The following RPTOR variants were observed in gnomAD, a reference collection of about 807,000 sequenced individuals.
RPTOR encodes regulatory-associated protein of mTOR.
In RPTOR, 21 loss-of-function variants were observed where a neutral mutation model predicts 169.9. That is an observed-to-expected ratio of 0.12 (90% CI 0.09 to 0.18). The LOEUF is 0.18. Ranked by LOEUF, RPTOR falls within the 10% of genes least tolerant of loss-of-function variation. The pLI is 1.00. For synonymous variants in RPTOR, 732 were observed against 753.2 expected (o/e 0.97, Z 0.46); for missense variants, 1,133 against 1,855.9 (o/e 0.61, Z 7.16).
chr17:80,751,725 C>T (rs1367112091), intron 5 of RPTOR, among the ~76,000 whole-genome samples: 2 of 152,178 alleles, frequency 1.3e-5, no homozygotes, highest in Admixed American at 1.3e-4. Context: ...TGATCTTGTC[C>T]CTGTGGTATT....
intron 9 of RPTOR, among the ~76,000 whole-genome samples, chr17:80,824,190 C>A (rs1165111846): frequency 2.0e-5 from 3 of 152,124 alleles, no homozygotes; most frequent in African/African-American, 4.8e-5. Flanking sequence ...TGCGATAGAT[C>A]AAAATACATT....
rs2065257202 is a variant in RPTOR, at chr17:80,609,776, TGTG to T, written c.163-15914_163-15912del. ...AAAAAAAAGTTTAAGGTGTTGGTTG[TGTG>T]TGTGTGTGTGTGTGTGTGTGTGTGT... is the stretch of plus-strand genomic sequence containing the variant. On this transcript the variant is annotated intron_variant, in intron 1 of 33. Coordinates refer to ENST00000306801, the MANE Select transcript of RPTOR (RefSeq NM_020761.3). The surrounding 1 kb of genome is among the most constrained non-coding windows in gnomAD (Gnocchi z 4.8). Among the ~76,000 whole-genome samples the T allele has an allele frequency of 1.7e-5, 1 of 60,012 alleles. No individual in the cohort carries two copies. The highest frequency in any genetic ancestry group is 6.2e-5 in the African/African-American group (1 of 16,062). The allele number at this position is 60,012 out of a possible 152,430, so 39.4% of individuals were successfully genotyped here. A position where few individuals can be genotyped will look rare whatever the true frequency, so the allele number is the denominator to read the frequency against.
rs1400590774 is a variant in RPTOR at position 80,964,486 on chromosome 17, T to C, written c.*156T>C. On this transcript the variant is annotated 3_prime_UTR_variant, in exon 34 of 34. Coordinates refer to ENST00000306801, the MANE Select transcript of RPTOR (RefSeq NM_020761.3). ...ACGGCAGGAGGGCCCTGCTACTCGC[T>C]TTTGTCTGTCTTCGCTGTCGTGTCT... The C allele has an allele frequency of 7.1e-6, 5 of 705,220 alleles. No individual in the cohort carries two copies. In the African/African-American group the frequency reaches 8.8e-5, roughly 12 times the overall value. 43.7% of individuals were successfully genotyped at this position (705,220 alleles called of 1,614,324 possible).
chr17:80,809,843 C>T (rs568728384), intron 7 of RPTOR, among the ~76,000 whole-genome samples: 1 of 152,068 alleles, frequency 6.6e-6, no homozygotes, highest in African/African-American at 2.4e-5. Flanking sequence ...TCGAGACCAT[C>T]CTAGCTAACA....
chr17:80,851,137 C>G (rs1187332918), intron 11 of RPTOR, among the ~76,000 whole-genome samples: 1 of 152,148 alleles, frequency 6.6e-6, no homozygotes, highest in Non-Finnish European at 1.5e-5. Flanking sequence ...CCATGTTGGG[C>G]AGGCTGGTCT....
chr17:80,723,878 G>GT (rs1174601820), intron 4 of RPTOR, among the ~76,000 whole-genome samples: 2 of 151,368 alleles, frequency 1.3e-5, no homozygotes, highest in East Asian at 1.9e-4. Context: ...GAATAACACT[G>GT]TTTTTTCTAG....
intron 6 of RPTOR, among the ~76,000 whole-genome samples, chr17:80,758,037 G>A (rs745458653): frequency 3.3e-5 from 5 of 152,162 alleles, no homozygotes; most frequent in African/African-American, 1.2e-4. Flanking sequence ...ATTCAGTCCC[G>A]ACTGTGTATG....
intron 21 of RPTOR, among the ~76,000 whole-genome samples, chr17:80,917,297 G>C (rs1394127520): frequency 6.6e-6 from 1 of 152,030 alleles, no homozygotes; most frequent in African/African-American, 2.4e-5. Context: ...ATTTTTAGTA[G>C]AGACGGGGTT....
At position 80,704,878 on chromosome 17, in the gene RPTOR, A is replaced by G. The variant is rs376576677; in HGVS notation, c.349-2963A>G. 2.6e-5 allele frequency among the ~76,000 whole-genome samples: 4 copies of G among 152,390 alleles called. No homozygotes were observed. In the East Asian group the frequency reaches 5.8e-4, roughly 22 times the overall value. On this transcript the variant is annotated intron_variant, in intron 3 of 33. Coordinates refer to ENST00000306801, the MANE Select transcript of RPTOR (RefSeq NM_020761.3). Reference sequence around the variant, plus strand: ...GAGCAGTGTAAGTTAATTCAGAGAAAGAAAAAATTATTTCCTGCTGAAAGG... The same window carrying G: ...GAGCAGTGTAAGTTAATTCAGAGAAGGAAAAAATTATTTCCTGCTGAAAGG...
chr17:80,853,222 G>A (rs180904409), intron 11 of RPTOR, among the ~76,000 whole-genome samples: 3 of 151,930 alleles, frequency 2.0e-5, no homozygotes, highest in Admixed American at 1.3e-4. Flanking sequence ...TTCCCTATCC[G>A]GCCCCTCCCC....
intron 26 of RPTOR, among the ~76,000 whole-genome samples, chr17:80,946,246 G>T (rs975412870): frequency 2.6e-5 from 4 of 152,174 alleles, no homozygotes; most frequent in African/African-American, 9.7e-5. Flanking sequence ...GTGGGAGGGG[G>T]TTCCTTTTAG....
intron 1 of RPTOR, among the ~76,000 whole-genome samples, chr17:80,555,271 AG>A (rs958704062): frequency 2.0e-5 from 3 of 152,180 alleles, no homozygotes; most frequent in African/African-American, 7.2e-5. Context: ...AGAACTGTTG[AG>A]GTCTCTGGAC....
At chr17:80,888,686 A>G (rs913551275) in intron 17 of RPTOR, among the ~76,000 whole-genome samples, 2 of 152,206 alleles carry the variant, frequency 1.3e-5, no homozygotes, top group African/African-American at 4.8e-5. Context: ...TGTGCTACAG[A>G]CGACACCCCT....
rs1006600875 is a variant in RPTOR, at chr17:80,923,929, C to T, written c.2808+256C>T. On this transcript the variant is annotated intron_variant, in intron 23 of 33. Transcript: ENST00000306801. The stretch of plus-strand genomic sequence containing the variant: ...CCTCTGCCTGCACTCTTTAGGAGCA[C>T]TGCTGGGTGTGTCCCGGTTCTCCGC... 3.0e-5 allele frequency: 15 copies of T among 497,122 alleles called. 1 individual carries two copies. Among genetic ancestry groups the T allele is most frequent in the Non-Finnish European group, 4.6e-5 (13 of 285,512 alleles). 30.8% of individuals were successfully genotyped at this position (497,122 alleles called of 1,614,324 possible).
At chr17:80,963,825 G>A (rs963345641) in intron 33 of RPTOR, among the ~76,000 whole-genome samples, 1 of 120,618 alleles carries the variant, frequency 8.3e-6, no homozygotes, top group African/African-American at 3.0e-5. Context: ...CTGTGCGGCC[G>A]AGTCCTCACC....
chr17:80,961,801 G>A (rs946230513), intron 31 of RPTOR: 16 of 339,534 alleles, frequency 4.7e-5, no homozygotes, highest in Middle Eastern at 8.4e-4. Flanking sequence ...GGGGCGGCGC[G>A]TCTGCCAGGC....
intron 13 of RPTOR, among the ~76,000 whole-genome samples, chr17:80,872,957 C>CCCT (rs1429037367): frequency 6.6e-6 from 1 of 152,206 alleles, no homozygotes; most frequent in Non-Finnish European, 1.5e-5. Context: ...GGATGGGGAG[C>CCCT]CTGGTCAGCC....
intron 13 of RPTOR, among the ~76,000 whole-genome samples, chr17:80,866,207 T>C (rs949487823): frequency 3.3e-5 from 5 of 149,586 alleles, no homozygotes; most frequent in Admixed American, 6.7e-5. Context: ...TACATATAAT[T>C]ATAAATACTT....
At chr17:80,597,624 C>G (rs2065153534) in intron 1 of RPTOR, among the ~76,000 whole-genome samples, 1 of 151,998 alleles carries the variant, frequency 6.6e-6, no homozygotes, top group Admixed American at 6.5e-5. Flanking sequence ...GCTCCTGGCT[C>G]CTCAGCTACC....
Sources: allele counts gnomAD v4.1 joint callset (sites outside exome capture counted in the v4.1 genomes callset), GRCh38; gene constraint gnomAD v4.1.1; non-coding constraint Gnocchi (gnomAD v3.1); transcripts MANE v1.5; gene names NCBI Gene and HGNC (gene_info 2026-07-23, HGNC 2026-07-21).